The following SLC27A2 variants were observed in gnomAD, a reference collection of about 807,000 sequenced individuals.
The protein encoded by SLC27A2 is solute carrier family 27 member 2.
SLC27A2 carries 54 observed loss-of-function variants against 60.0 expected under a neutral mutation model. The observed-to-expected ratio is 0.90, with a 90% CI of 0.72 to 1.13. The LOEUF is 1.13. Ranked by LOEUF, SLC27A2 falls within the 50% of genes most tolerant of loss-of-function variation. SLC27A2 has a pLI of 0.00. For missense variants in SLC27A2, 739 were observed against 777.6 expected (o/e 0.95, Z 0.59); for synonymous variants, 297 against 297.6 (o/e 1.00, Z 0.02).
intron 4 of SLC27A2, among the ~76,000 whole-genome samples, chr15:50,219,411 C>T (rs2045227606): frequency 2.0e-5 from 3 of 151,876 alleles, no homozygotes; most frequent in Non-Finnish European, 4.4e-5. Context: ...GTGTGGCACT[C>T]TCTCTTTGTT....
intron 4 of SLC27A2, among the ~76,000 whole-genome samples, chr15:50,207,952 CA>C (rs766791604): frequency 0.048 from 5,461 of 114,184 alleles, 122 homozygotes; most frequent in African/African-American, 0.065. Context: ...AAAGACTTTG[CA>C]AAAAAAAAAA....
rs2044862342 is a variant in SLC27A2, at chr15:50,182,436, C to T, written c.9C>T (p.Ser3=). ML[S]AIYTVLAGLL... ...AGGGCCCCGCAGCCGTCATGCTTTC[C>T]GCCATCTACACAGTCCTGGCGGGAC... Residue 3 remains serine, a synonymous_variant, in exon 1 of 10, where the codon TCC becomes TCT. Transcript: ENST00000267842. The T allele has an allele frequency of 1.9e-6, 3 of 1,595,026 alleles. No individual in the cohort carries two copies. The highest frequency in any genetic ancestry group is 1.3e-5 in the African/African-American group (1 of 74,438).
intron 4 of SLC27A2, 84 bp from the exon 5 acceptor site, chr15:50,222,881 A>G: frequency 9.0e-7 from 1 of 1,116,772 alleles, no homozygotes; most frequent in South Asian, 1.6e-5. Flanking sequence ...AATTAAATAC[A>G]TACAAAATAA....
Position 50,226,969 on chromosome 15 carries a change from T to C in SLC27A2, c.1259-11T>C. Reference sequence around the variant, plus strand: ...TAGCACATAAAATAAGTTTACTTTCTTCTGTCTTAGGTGAAGTTGGACTTC... The same window carrying C: ...TAGCACATAAAATAAGTTTACTTTCCTCTGTCTTAGGTGAAGTTGGACTTC... On this transcript the variant is annotated splice_polypyrimidine_tract_variant and intron_variant, in intron 6 of 9. Transcript: ENST00000267842. The C allele has an allele frequency of 6.2e-7, 1 of 1,607,898 alleles. No individual in the cohort carries two copies. The highest frequency in any genetic ancestry group is 8.5e-7 in the Non-Finnish European group (1 of 1,177,620).
intron 4 of SLC27A2, among the ~76,000 whole-genome samples, chr15:50,217,265 T>C (rs1211959251): frequency 6.6e-6 from 1 of 151,984 alleles, no homozygotes; most frequent in Non-Finnish European, 1.5e-5. Flanking sequence ...AATAAATAAA[T>C]AAAATCTGTG....
At chr15:50,196,088 ATAT>A (rs2045019895) in intron 1 of SLC27A2, among the ~76,000 whole-genome samples, 1 of 11,262 alleles carries the variant, frequency 8.9e-5, no homozygotes, top group Non-Finnish European at 1.6e-4. Context: ...ATATATATAT[ATAT>A]ATATATATAT....
intron 4 of SLC27A2, among the ~76,000 whole-genome samples, chr15:50,221,731 T>C (rs556680529): frequency 6.6e-6 from 1 of 152,356 alleles, no homozygotes; most frequent in African/African-American, 2.4e-5. Context: ...CTAGCACTGT[T>C]ACCCCATTTC....
chr15:50,234,063 A>G, intron 9 of SLC27A2, 65 bp downstream of exon 9: 1 of 1,441,334 alleles, frequency 6.9e-7, no homozygotes, highest in Non-Finnish European at 9.4e-7. Flanking sequence ...CTTAGGGAAC[A>G]ACTCGCCTTC....
intron 4 of SLC27A2, among the ~76,000 whole-genome samples, chr15:50,213,737 G>A (rs1242493364): frequency 1.3e-5 from 2 of 152,072 alleles, no homozygotes; most frequent in Non-Finnish European, 2.9e-5. Context: ...AATCAAGACA[G>A]AAATGAAAAA....
intron 4 of SLC27A2, among the ~76,000 whole-genome samples, chr15:50,216,610 G>GTGTGTGTATATATA (rs1323910367): frequency 3.0e-5 from 2 of 66,492 alleles, no homozygotes; most frequent in African/African-American, 1.1e-4. Flanking sequence ...GTGTGTGTGT[G>GTGTGTGTATATATA]TATATATATA....
chr15:50,182,623 A>G lies in SLC27A2; in HGVS notation c.196A>G (p.Thr66Ala), dbSNP rs759285216. The change falls in exon 1 of 10, where the codon ACG (threonine) becomes GCG (alanine). Residue 66 changes from threonine (T) to alanine (A), a missense_variant. Coordinates refer to ENST00000267842, the MANE Select transcript of SLC27A2 (RefSeq NM_003645.4). ...LRAFLEKARQ[T>A]PHKPFLLFRD... ...GGCGTTCCTGGAGAAAGCGCGCCAG[A>G]CGCCACACAAGCCTTTTCTGCTCTT... is the stretch of plus-strand genomic sequence containing the variant. 6.8e-6 allele frequency: 11 copies of G among 1,613,890 alleles called. No individual in the cohort carries two copies. The highest frequency in any genetic ancestry group is 3.3e-5 in the Admixed American group (2 of 60,026).
intron 2 of SLC27A2, among the ~76,000 whole-genome samples, chr15:50,198,980 G>A (rs961673958): frequency 2.0e-5 from 3 of 151,852 alleles, no homozygotes; most frequent in African/African-American, 4.8e-5. Context: ...GTAAATGAGA[G>A]GAAGCCAGGA....
intron 6 of SLC27A2, among the ~76,000 whole-genome samples, chr15:50,226,543 C>T (rs576037538): frequency 6.6e-6 from 1 of 152,080 alleles, no homozygotes; most frequent in East Asian, 1.9e-4. Flanking sequence ...ACCAGCCTGG[C>T]CAACATGGCA....
chr15:50,227,488 C>T (rs2045286756), intron 7 of SLC27A2, among the ~76,000 whole-genome samples: 1 of 152,140 alleles, frequency 6.6e-6, no homozygotes, highest in Admixed American at 6.5e-5. Context: ...TTAGGACAGC[C>T]AAGGATTTTC....
chr15:50,232,673 T>C (rs10519263), intron 8 of SLC27A2, among the ~76,000 whole-genome samples: 22,322 of 152,010 alleles, frequency 0.15, 1,701 homozygotes, highest in Middle Eastern at 0.18. Flanking sequence ...ACGGTGAATG[T>C]GGAGGATTTC....
chr15:50,182,967 C>T, intron 1 of SLC27A2, 62 bp downstream of exon 1: 1 of 1,508,994 alleles, frequency 6.6e-7, no homozygotes, highest in Admixed American at 1.9e-5. Context: ...ACTGACGAGC[C>T]ACAGCGTGGC....
intron 4 of SLC27A2, among the ~76,000 whole-genome samples, chr15:50,213,992 AAACAAAC>A (rs2045176843): frequency 7.5e-6 from 1 of 133,032 alleles, no homozygotes; most frequent in African/African-American, 2.9e-5. Flanking sequence ...TGAAACAAAC[AAACAAAC>A]AAAAAAAAAG....
At chr15:50,231,141 CTT>C (rs34060039) in intron 8 of SLC27A2, among the ~76,000 whole-genome samples, 13,800 of 128,296 alleles carry the variant, frequency 0.11, 469 homozygotes, top group Middle Eastern at 0.13. Context: ...GAATTGTACA[CTT>C]TTTTTTTTTT....
At chr15:50,184,211 T>G (rs1182076159) in intron 1 of SLC27A2, among the ~76,000 whole-genome samples, 1 of 151,936 alleles carries the variant, frequency 6.6e-6, no homozygotes, top group African/African-American at 2.4e-5. Flanking sequence ...CAGGCTGGTC[T>G]CAAACTCCTG....
Sources: gnomAD v4.1 joint callset for allele counts (sites outside exome capture counted in the v4.1 genomes callset) on GRCh38, gnomAD v4.1.1 for gene constraint, MANE v1.5 for transcripts, NCBI Gene and HGNC (gene_info 2026-07-23, HGNC 2026-07-21) for gene names.